The following PHLPP1 variants were observed in gnomAD, a reference collection of about 807,000 sequenced individuals.
PHLPP1 encodes PH domain leucine-rich repeat-containing protein phosphatase 1.
In PHLPP1, 42 loss-of-function variants were observed where a neutral mutation model predicts 117.2. That is an observed-to-expected ratio of 0.36 (90% CI 0.28 to 0.46). The LOEUF (loss-of-function observed/expected upper bound fraction) is 0.46. Ranked by LOEUF, PHLPP1 falls within the 20% of genes least tolerant of loss-of-function variation. The probability of loss-of-function intolerance (pLI) is 1.00; values close to 1 mark genes in which losing one functional copy is unlikely to be tolerated. For missense variants in PHLPP1, 2,084 were observed against 2,241.9 expected (o/e 0.93, Z 1.42); for synonymous variants, 1,042 against 970.7 (o/e 1.07, Z -1.37).
rs549453251 is a variant in PHLPP1 at position 62,755,253 on chromosome 18, C to T, written c.1576+37994C>T. Among the ~76,000 whole-genome samples the T allele has an allele frequency of 2.6e-5, 4 of 152,290 alleles. No homozygotes were observed. In the South Asian group the frequency reaches 8.3e-4, roughly 32 times the overall value. The stretch of plus-strand genomic sequence containing the variant: ...CACTTCTGTAACTAGCCCGGACGTC[C>T]AAAACCTGATCCTGTCATGCTCTGT... On this transcript the variant is annotated intron_variant, in intron 1 of 16. Transcript: ENST00000262719.
intron 4 of PHLPP1, among the ~76,000 whole-genome samples, chr18:62,871,882 T>A (rs1162173894): frequency 1.3e-5 from 2 of 152,108 alleles, no homozygotes; most frequent in Non-Finnish European, 2.9e-5. Context: ...TCACCTCAAG[T>A]GATCCGCCTG....
At chr18:62,773,927 G>T (rs767608633) in intron 1 of PHLPP1, among the ~76,000 whole-genome samples, 3 of 152,136 alleles carry the variant, frequency 2.0e-5, no homozygotes, top group Non-Finnish European at 4.4e-5. Flanking sequence ...TCACCTGGCA[G>T]GAAAGGCAAG....
At chr18:62,746,132 C>G (rs192629012) in intron 1 of PHLPP1, among the ~76,000 whole-genome samples, 2 of 152,202 alleles carry the variant, frequency 1.3e-5, no homozygotes, top group Admixed American at 6.5e-5. Context: ...CAACCTCCCC[C>G]TCCCGGGTTC....
chr18:62,925,333 T>C (rs1909595114), intron 10 of PHLPP1, among the ~76,000 whole-genome samples: 1 of 152,216 alleles, frequency 6.6e-6, no homozygotes, highest in Admixed American at 6.5e-5. Flanking sequence ...AGGGGAGTTA[T>C]AGGTCCCTGC....
chr18:62,754,155 C>G (rs1046836786), intron 1 of PHLPP1, among the ~76,000 whole-genome samples: 3 of 152,234 alleles, frequency 2.0e-5, no homozygotes, highest in African/African-American at 7.2e-5. Context: ...TCTGGCCTCT[C>G]AGTTGTGCCT....
chr18:62,739,115 T>TAAA (rs1279449780), intron 1 of PHLPP1, among the ~76,000 whole-genome samples: 1 of 152,210 alleles, frequency 6.6e-6, no homozygotes, highest in Non-Finnish European at 1.5e-5. Context: ...CATCTCTATT[T>TAAA]AGGTAGTACT....
At chr18:62,969,486 T>A (rs958323206) in intron 14 of PHLPP1, among the ~76,000 whole-genome samples, 3 of 152,092 alleles carry the variant, frequency 2.0e-5, no homozygotes, top group African/African-American at 7.2e-5. Flanking sequence ...AAAAAAAAAA[T>A]TGCTGTTGGG....
chr18:62,741,022 T>C (rs916240085), intron 1 of PHLPP1, among the ~76,000 whole-genome samples: 19 of 152,172 alleles, frequency 1.2e-4, no homozygotes, highest in African/African-American at 4.3e-4. Context: ...TTTACTGATG[T>C]CTTCAGATCA....
intron 14 of PHLPP1, among the ~76,000 whole-genome samples, chr18:62,965,452 CTT>C (rs34187461): frequency 1.1e-4 from 8 of 76,144 alleles, no homozygotes; most frequent in Admixed American, 3.4e-4. Context: ...TAATCAGCCT[CTT>C]TTTTTTTTTT....
intron 1 of PHLPP1, among the ~76,000 whole-genome samples, chr18:62,785,141 G>C (rs975892299): frequency 6.6e-5 from 10 of 152,186 alleles, no homozygotes; most frequent in African/African-American, 2.2e-4. Context: ...GGAGGGAATA[G>C]AGAATGCATG....
At chr18:62,763,915 C>A (rs1315495556) in intron 1 of PHLPP1, among the ~76,000 whole-genome samples, 1 of 152,040 alleles carries the variant, frequency 6.6e-6, no homozygotes, top group Admixed American at 6.6e-5. Flanking sequence ...GTAATCCCAG[C>A]ACTTTGGGAG....
Position 62,715,845 on chromosome 18 carries a change from G to T in PHLPP1, c.162G>T (p.Ala54=). 1.3e-6 allele frequency: 1 copy of T among 756,320 alleles called. No individual in the cohort carries two copies. The highest frequency in any genetic ancestry group is 1.6e-6 in the Non-Finnish European group (1 of 621,824). The allele number at this position is 756,320 out of a possible 1,614,324, so 46.9% of individuals were successfully genotyped here. The change falls in exon 1 of 17, where the codon GCG becomes GCT. Residue 54 remains alanine (A), a synonymous_variant. Coordinates refer to ENST00000262719, the MANE Select transcript of PHLPP1 (RefSeq NM_194449.4). The stretch of plus-strand genomic sequence containing the variant: ...GGGGCGGCCGGAGTCCGGAGCCCGC[G>T]CTGACCCCGGCGGCCCCGAGCGGCG... ...AAGGGRSPEP[A]LTPAAPSGGN...
At chr18:62,962,616 T>G (rs557007322) in intron 13 of PHLPP1, among the ~76,000 whole-genome samples, 6 of 152,252 alleles carry the variant, frequency 3.9e-5, no homozygotes, top group Admixed American at 6.5e-5. Context: ...GCAAGGCTGA[T>G]TTTTAAGAAA....
At chr18:62,874,669 AC>A (rs1915999630) in intron 4 of PHLPP1, among the ~76,000 whole-genome samples, 1 of 150,960 alleles carries the variant, frequency 6.6e-6, no homozygotes. Flanking sequence ...ACACACACAC[AC>A]ACACACACAC....
intron 3 of PHLPP1, among the ~76,000 whole-genome samples, chr18:62,845,157 C>T (rs1167626419): frequency 6.6e-6 from 1 of 152,126 alleles, no homozygotes; most frequent in Non-Finnish European, 1.5e-5. Context: ...AAATTCAGGC[C>T]TCCTGGAGGG....
chr18:62,818,982 C>A (rs774386138), intron 1 of PHLPP1, among the ~76,000 whole-genome samples: 12 of 152,110 alleles, frequency 7.9e-5, no homozygotes, highest in Non-Finnish European at 1.6e-4. Context: ...TATAGTATTT[C>A]CAACATTAAT....
At chr18:62,892,107 T>TTTTA (rs1169764772) in intron 4 of PHLPP1, among the ~76,000 whole-genome samples, 40 of 117,860 alleles carry the variant, frequency 3.4e-4, no homozygotes, top group African/African-American at 1.2e-3. Context: ...TTTTTTTTTT[T>TTTTA]TACGGAGTTT....
chr18:62,888,103 G>A (rs1342015173), intron 4 of PHLPP1, among the ~76,000 whole-genome samples: 3 of 151,986 alleles, frequency 2.0e-5, no homozygotes, highest in East Asian at 3.9e-4. Context: ...ATTATAAACC[G>A]ACCACTGTAG....
At chr18:62,876,329 G>A (rs1224521737) in intron 4 of PHLPP1, among the ~76,000 whole-genome samples, 8 of 151,976 alleles carry the variant, frequency 5.3e-5, no homozygotes, top group Non-Finnish European at 8.8e-5. Context: ...ACCACCTGCC[G>A]AACCCAGGCT....
Sources: allele counts gnomAD v4.1 joint callset (sites outside exome capture counted in the v4.1 genomes callset), GRCh38; gene constraint gnomAD v4.1.1; transcripts MANE v1.5; gene names NCBI Gene and HGNC (gene_info 2026-07-23, HGNC 2026-07-21).